ERC1: variants seen among roughly 807,000 people sequenced by gnomAD.
ERC1 encodes the protein RAB6 interacting protein 2.
Under a neutral mutation model 132.0 loss-of-function variants are expected in ERC1, and 56 were observed. The observed-to-expected ratio is 0.42, with a 90% CI of 0.34 to 0.53. ERC1 has a LOEUF of 0.53. Among genes scored for constraint, ERC1 ranks in the 20% least tolerant of loss-of-function variants. The pLI, the probability that ERC1 is intolerant of heterozygous loss-of-function variation, is 0.03. For synonymous variants in ERC1, 478 were observed against 476.1 expected (o/e 1.00, Z -0.05); for missense variants, 1,202 against 1,349.9 (o/e 0.89, Z 1.72).
chr12:1,361,305 G>A (rs1471686516), intron 15 of ERC1, among the ~76,000 whole-genome samples: 2 of 151,410 alleles, frequency 1.3e-5, no homozygotes, highest in Non-Finnish European at 2.9e-5. Flanking sequence ...TATACCTAAT[G>A]CTAAATGATG....
At chr12:1,243,860 G>A (rs947248280) in intron 13 of ERC1, among the ~76,000 whole-genome samples, 6 of 152,170 alleles carry the variant, frequency 3.9e-5, no homozygotes, top group Non-Finnish European at 1.5e-5. Flanking sequence ...TTCTTTATCC[G>A]AAGTGTTACT....
chr12:1,080,974 A>T (rs1211332917), intron 2 of ERC1, among the ~76,000 whole-genome samples: 1 of 152,100 alleles, frequency 6.6e-6, no homozygotes, highest in Non-Finnish European at 1.5e-5. Flanking sequence ...GCAGGTATTT[A>T]TACCCTTATT....
chr12:1,334,553 A>G (rs1470887220), intron 15 of ERC1, among the ~76,000 whole-genome samples: 3 of 151,914 alleles, frequency 2.0e-5, no homozygotes, highest in Non-Finnish European at 4.4e-5. Context: ...TAGATGTGCA[A>G]CCTTATTTTG....
At chr12:1,062,025 C>G (rs948474987) in intron 2 of ERC1, among the ~76,000 whole-genome samples, 2 of 122,610 alleles carry the variant, frequency 1.6e-5, no homozygotes, top group African/African-American at 3.3e-5. Context: ...GAGTCTTGCT[C>G]TGTCACCCAG....
At chr12:1,270,290 C>T (rs1053000089) in intron 14 of ERC1, among the ~76,000 whole-genome samples, 1 of 152,278 alleles carries the variant, frequency 6.6e-6, no homozygotes, top group East Asian at 1.9e-4. Context: ...TCACTGCAAC[C>T]TCCACCTCCC....
At chr12:1,263,238 G>C in intron 14 of ERC1, 73 bp downstream of exon 14, 7 of 1,439,970 alleles carry the variant, frequency 4.9e-6, no homozygotes, top group Non-Finnish European at 5.8e-6. Context: ...GTATAGTTTA[G>C]GTAAACTATA....
intron 2 of ERC1, among the ~76,000 whole-genome samples, chr12:1,062,678 T>C (rs1938259716): frequency 6.6e-6 from 1 of 152,226 alleles, no homozygotes. Flanking sequence ...AGAATGTATA[T>C]TCTGTAGCTG....
intron 2 of ERC1, among the ~76,000 whole-genome samples, chr12:1,064,995 CT>C (rs886113201): frequency 6.6e-6 from 1 of 151,070 alleles, no homozygotes; most frequent in African/African-American, 2.4e-5. Context: ...TGAGTTTTTT[CT>C]TTTTTTTTCT....
At chr12:1,218,202 G>A (rs1347482677) in intron 12 of ERC1, among the ~76,000 whole-genome samples, 2 of 152,110 alleles carry the variant, frequency 1.3e-5, no homozygotes, top group Non-Finnish European at 2.9e-5. Context: ...CAGCCTACTT[G>A]CATCTATACC....
At chr12:1,039,165 T>C (rs1362052307) in intron 2 of ERC1, among the ~76,000 whole-genome samples, 1 of 151,664 alleles carries the variant, frequency 6.6e-6, no homozygotes, top group Admixed American at 6.6e-5. Flanking sequence ...TGAAACCCTG[T>C]CTCTACTAAA....
chr12:1,467,090 TTAAAGA>T (rs1248322426), intron 18 of ERC1, among the ~76,000 whole-genome samples: 13 of 152,248 alleles, frequency 8.5e-5, no homozygotes, highest in African/African-American at 3.1e-4. Context: ...GGTGTTCTTG[TTAAAGA>T]TAAATAGTAG....
chr12:1,274,544 G>A (rs1394419893), intron 14 of ERC1, among the ~76,000 whole-genome samples: 1 of 151,694 alleles, frequency 6.6e-6, no homozygotes, highest in Non-Finnish European at 1.5e-5. Flanking sequence ...CCAGGCTGGA[G>A]TGCAGTGGTG....
At chr12:1,379,976 G>A (rs1361813995) in intron 16 of ERC1, 2 of 152,216 alleles carry the variant, frequency 1.3e-5, no homozygotes, top group Non-Finnish European at 2.9e-5. Flanking sequence ...TCCATGCAGT[G>A]AAATGCTGCT....
Position 1,180,696 on chromosome 12 carries a change from C to A in ERC1, c.1875+19C>A. 6.2e-7 allele frequency: 1 copy of A among 1,613,782 alleles called. No homozygotes were observed. The highest frequency in any genetic ancestry group is 8.5e-7 in the Non-Finnish European group (1 of 1,179,864). On this transcript the variant is annotated intron_variant, in intron 9 of 18. Coordinates refer to ENST00000360905, the MANE Select transcript of ERC1 (RefSeq NM_178040.4). Reference sequence around the variant, plus strand: ...AGAGAAAGTGAGTGGCTGGCCCCAACTCTCCACACACGTTTTCTGCTTTCT... The same window carrying A: ...AGAGAAAGTGAGTGGCTGGCCCCAAATCTCCACACACGTTTTCTGCTTTCT...
In ERC1 at chr12:1,093,977, A is replaced by ATTTC. The variant is rs67293288; in HGVS notation, c.1086+10398_1086+10399insTTCT. 6.2e-4 allele frequency among the ~76,000 whole-genome samples: 80 copies of ATTTC among 129,546 alleles called. 4 individuals carry two copies. Among genetic ancestry groups the ATTTC allele is most frequent in the South Asian group, 1.7e-3 (7 of 4,054 alleles). 85.0% of individuals were successfully genotyped at this position (129,546 alleles called of 152,430 possible). Reference sequence around the variant, plus strand: ...TTTTTCTATATATATATATATATATATATATATAGAAAAACATAGAAAATG... The same window carrying ATTTC: ...TTTTTCTATATATATATATATATATATTTCTATATATAGAAAAACATAGAAAATG... On this transcript the variant is annotated intron_variant, in intron 3 of 18. Transcript: ENST00000360905.
chr12:1,404,283 ATTTAT>A (rs2091301099), intron 16 of ERC1, among the ~76,000 whole-genome samples: 1 of 151,788 alleles, frequency 6.6e-6, no homozygotes, highest in African/African-American at 2.4e-5. Context: ...TAATGGATAC[ATTTAT>A]TTATTTACTC....
chr12:1,131,157 A>G (rs1948724849), intron 7 of ERC1, among the ~76,000 whole-genome samples: 1 of 152,310 alleles, frequency 6.6e-6, no homozygotes, highest in Admixed American at 6.5e-5. Flanking sequence ...TTTTAGAACT[A>G]GTTGGGGCCA....
At chr12:1,020,403 G>A (rs1320579209) in intron 1 of ERC1, among the ~76,000 whole-genome samples, 1 of 152,218 alleles carries the variant, frequency 6.6e-6, no homozygotes. Context: ...GTTGCAGTGA[G>A]CCAAGATTGT....
chr12:1,101,410 C>T (rs989415963), intron 3 of ERC1, among the ~76,000 whole-genome samples: 11 of 152,200 alleles, frequency 7.2e-5, no homozygotes, highest in African/African-American at 1.9e-4. Context: ...TGACACTGCT[C>T]ACCACCACTG....
Sources: gnomAD v4.1 joint callset for allele counts (sites outside exome capture counted in the v4.1 genomes callset) on GRCh38, gnomAD v4.1.1 for gene constraint, MANE v1.5 for transcripts, NCBI Gene and HGNC (gene_info 2026-07-23, HGNC 2026-07-21) for gene names.